Variants in RREB1 observed in about 807,000 individuals in gnomAD.
RREB1 encodes the protein ras responsive element binding protein 1, also known as ras-responsive element-binding protein 1.
Under a neutral mutation model 117.8 loss-of-function variants are expected in RREB1, and 27 were observed. The observed-to-expected ratio is 0.23, with a 90% CI of 0.17 to 0.32. RREB1 has a LOEUF of 0.32. Ranked by LOEUF, RREB1 falls within the 10% of genes least tolerant of loss-of-function variation. RREB1 has a pLI of 1.00. For missense variants in RREB1, 2,577 were observed against 2,378.2 expected (o/e 1.08, Z -1.74); for synonymous variants, 1,298 against 1,026.7 (o/e 1.26, Z -5.05).
At chr6:7,225,365 G>A (rs1009712232) in intron 8 of RREB1, among the ~76,000 whole-genome samples, 30 of 152,272 alleles carry the variant, frequency 2.0e-4, no homozygotes, top group Admixed American at 9.2e-4. Context: ...AGTGACTGAG[G>A]AACTTTAATT....
intron 8 of RREB1, among the ~76,000 whole-genome samples, chr6:7,224,063 A>G (rs551347918): frequency 6.6e-6 from 1 of 152,200 alleles, no homozygotes; most frequent in Non-Finnish European, 1.5e-5. Context: ...TGTCAAATTT[A>G]GGCTAGGTAA....
At chr6:7,176,104 A>G (rs1764485848) in intron 1 of RREB1, among the ~76,000 whole-genome samples, 1 of 152,120 alleles carries the variant, frequency 6.6e-6, no homozygotes, top group Non-Finnish European at 1.5e-5. Context: ...TTTTATAGAG[A>G]CAGGGTTTCA....
In RREB1 at chr6:7,231,300, C is replaced by T. The variant is rs756143736; in HGVS notation, c.3201C>T (p.Ser1067=). The change falls in exon 10 of 13, where the codon TCC becomes TCT. Residue 1067 remains serine, a synonymous_variant. Coordinates refer to ENST00000379938, the MANE Select transcript of RREB1 (RefSeq NM_001003699.4). The part of the protein sequence containing the change: ...PVTEELPPLA[S]IAQIISSVSS... ...CAGAAGAGCTGCCCCCGCTGGCCTC[C>T]ATTGCCCAGATCATCTCATCTGTAT... 37 of 1,609,040 alleles carry T rather than the reference C, an allele frequency of 2.3e-5. 1 individual carries two copies. The Admixed American group carries it at 5.2e-4, about 23-fold the overall frequency.
intron 10 of RREB1, among the ~76,000 whole-genome samples, chr6:7,238,669 T>C (rs1330790763): frequency 6.6e-6 from 1 of 152,196 alleles, no homozygotes; most frequent in Non-Finnish European, 1.5e-5. Flanking sequence ...GAGGAGACCC[T>C]GAAAACAGTC....
intron 10 of RREB1, 104 bp downstream of exon 10, chr6:7,232,011 T>G (rs1313169519): frequency 8.0e-7 from 1 of 1,243,170 alleles, no homozygotes; most frequent in Non-Finnish European, 1.1e-6. Context: ...TTCCAGTTAT[T>G]CCTAGCTTGG....
rs566102134 is a variant in RREB1 at position 7,219,378 on chromosome 6, A to T, written c.708-7089A>T. Among the ~76,000 whole-genome samples the T allele has an allele frequency of 2.6e-5, 4 of 152,336 alleles. No homozygotes were observed. The South Asian group carries it at 8.3e-4, about 32-fold the overall frequency. ...TTTGTTGTATTAAAGTCCCTTGAGGATTGAAAGGACAAAACCCCAGCTAGC... is the reference window on the plus strand; with the variant it reads ...TTTGTTGTATTAAAGTCCCTTGAGGTTTGAAAGGACAAAACCCCAGCTAGC... On this transcript the variant is annotated intron_variant, in intron 8 of 12. Transcript: ENST00000379938.
In RREB1 at chr6:7,230,075, G is replaced by A. The variant is rs1043083907; in HGVS notation, c.1976G>A (p.Arg659His). ...NQVFAFSGVL[R>H]AHVRSHLGIS... is the part of the protein sequence containing the mutation. Reference sequence around the variant, plus strand: ...GTGTTTGCCTTCTCGGGGGTCTTGCGTGCCCACGTGCGCTCCCACCTGGGC... The same window carrying A: ...GTGTTTGCCTTCTCGGGGGTCTTGCATGCCCACGTGCGCTCCCACCTGGGC... Residue 659 changes from arginine (R) to histidine (H), a missense_variant, in exon 10 of 13, where the codon CGT (arginine) becomes CAT (histidine). Transcript: ENST00000379938. The A allele has an allele frequency of 1.1e-5, 17 of 1,602,044 alleles. No individual in the cohort carries two copies. The highest frequency in any genetic ancestry group is 2.2e-5 in the East Asian group (1 of 44,628).
At chr6:7,240,691 A>G in intron 11 of RREB1, 89 bp downstream of exon 11, 1 of 1,222,700 alleles carries the variant, frequency 8.2e-7, no homozygotes, top group South Asian at 1.5e-5. Flanking sequence ...CGAGCTGTGG[A>G]GGGGCTGCTT....
chr6:7,142,499 TGGTAA>T (rs1205893190), intron 1 of RREB1, among the ~76,000 whole-genome samples: 95 of 152,328 alleles, frequency 6.2e-4, no homozygotes, highest in African/African-American at 2.2e-3. Flanking sequence ...GGTCACTGTT[TGGTAA>T]CCATCAGGCT....
At chr6:7,196,221 TTTTTTTTTTG>T (rs1398249813) in intron 6 of RREB1, among the ~76,000 whole-genome samples, 63 of 147,500 alleles carry the variant, frequency 4.3e-4, no homozygotes, top group African/African-American at 1.6e-3. Context: ...TTTTTTCGTT[TTTTTTTTTTG>T]TTTTTTTTTT....
chr6:7,235,977 A>C (rs913180925), intron 10 of RREB1, among the ~76,000 whole-genome samples: 3 of 152,186 alleles, frequency 2.0e-5, no homozygotes, highest in South Asian at 2.1e-4. Context: ...CACAGTCTCC[A>C]CACACACCTG....
intron 1 of RREB1, among the ~76,000 whole-genome samples, chr6:7,120,488 A>G (rs142178949): frequency 1.4e-4 from 21 of 152,322 alleles, no homozygotes; most frequent in African/African-American, 4.8e-4. Context: ...TGGATGAAGC[A>G]TGAACAGTAC....
chr6:7,212,868 T>C (rs1046044672), intron 8 of RREB1: 5 of 152,204 alleles, frequency 3.3e-5, no homozygotes, highest in African/African-American at 7.2e-5. Flanking sequence ...ATGATTATCC[T>C]TAATCACATT....
Position 7,181,216 on chromosome 6 carries a change from T to A in RREB1, c.-73T>A. 2.5e-6 allele frequency: 1 copy of A among 398,866 alleles called. No individual in the cohort carries two copies. Among genetic ancestry groups the A allele is most frequent in the Non-Finnish European group, 4.4e-6 (1 of 226,260 alleles). 24.7% of individuals were successfully genotyped at this position (398,866 alleles called of 1,614,324 possible). A position where few individuals can be genotyped will look rare whatever the true frequency, so the allele number is the denominator to read the frequency against. On this transcript the variant is annotated 5_prime_UTR_variant, in exon 3 of 13. Transcript: ENST00000379938. ...ATGATAGCTACAGCAGGGGAAAGTT[T>A]CATAGTCTATCAGTGGGTCAGAAAA...
intron 1 of RREB1, among the ~76,000 whole-genome samples, chr6:7,142,949 T>C (rs763352027): frequency 6.6e-6 from 1 of 152,182 alleles, no homozygotes; most frequent in African/African-American, 2.4e-5. Context: ...GGCTGGGGCA[T>C]TGGAAGCTTC....
chr6:7,219,366 A>G (rs1023536829), intron 8 of RREB1, among the ~76,000 whole-genome samples: 5 of 152,230 alleles, frequency 3.3e-5, no homozygotes, highest in Non-Finnish European at 7.3e-5. Flanking sequence ...GTTGTATTAA[A>G]GTCCCTTGAG....
chr6:7,171,844 G>GAA (rs1467062416), intron 1 of RREB1, among the ~76,000 whole-genome samples: 12 of 152,144 alleles, frequency 7.9e-5, no homozygotes, highest in Non-Finnish European at 4.4e-5. Flanking sequence ...GAACTGAGCA[G>GAA]AAAGGGTAAC....
intron 6 of RREB1, among the ~76,000 whole-genome samples, chr6:7,204,787 G>C (rs1225071499): frequency 6.6e-6 from 1 of 152,214 alleles, no homozygotes; most frequent in East Asian, 1.9e-4. Flanking sequence ...TACTGGAAGT[G>C]TCTAGATTTC....
intron 1 of RREB1, among the ~76,000 whole-genome samples, chr6:7,167,346 A>G (rs1320850571): frequency 1.4e-5 from 2 of 144,834 alleles, no homozygotes; most frequent in African/African-American, 5.0e-5. Context: ...GGGCTGGGAC[A>G]GGATTTTTTT....
Sources: allele counts gnomAD v4.1 joint callset (sites outside exome capture counted in the v4.1 genomes callset), GRCh38; gene constraint gnomAD v4.1.1; transcripts MANE v1.5; gene names NCBI Gene and HGNC (gene_info 2026-07-23, HGNC 2026-07-21).